The following MAP6D1 variants were observed in gnomAD, a reference collection of about 807,000 sequenced individuals.
The protein encoded by MAP6D1 is MAP6 domain-containing protein 1.
MAP6D1 carries 13 observed loss-of-function variants against 17.4 expected under a neutral mutation model. The ratio of observed to expected loss-of-function variants is 0.75; its 90% confidence interval spans 0.49 to 1.19. MAP6D1 has a LOEUF of 1.19. Among genes scored for constraint, MAP6D1 ranks in the 50% most tolerant of loss-of-function variants. The pLI is 0.00. For missense variants in MAP6D1, 313 were observed against 312.6 expected, an observed-to-expected ratio of 1.00 and a Z score of -0.01; for synonymous variants, 141 against 145.7, an observed-to-expected ratio of 0.97 and a Z score of 0.23.
intron 1 of MAP6D1, among the ~76,000 whole-genome samples, chr3:183,823,821 T>C (rs1727312598): frequency 6.6e-6 from 1 of 151,834 alleles, no homozygotes; most frequent in Non-Finnish European, 1.5e-5. Context: ...AGGCAATACA[T>C]GGACATGTTA....
rs1408851698 is a variant in MAP6D1 at position 183,817,403 on chromosome 3, G to A, written c.553C>T (p.Pro185Ser). The part of the protein sequence containing the change: ...PEVRKKFTPN[P>S]SAIFQASAPR... ...GCTGAGGCCTGAAAGATGGCGGAGG[G>A]GTTAGGAGTGAACTTCTTCCTCACC... Residue 185 changes from proline to serine, a missense_variant, in exon 3 of 3, where the codon CCC becomes TCC. Pro to Ser is a moderately conservative substitution (Grantham distance 74). Transcript: ENST00000318631. 1.9e-6 allele frequency: 3 copies of A among 1,569,912 alleles called. No homozygotes were observed. The highest frequency in any genetic ancestry group is 2.6e-6 in the Non-Finnish European group (3 of 1,157,180).
chr3:183,817,513 GA>G, intron 2 of MAP6D1, 77 bp from the exon 3 acceptor site: 3 of 1,325,942 alleles, frequency 2.3e-6, no homozygotes, highest in Admixed American at 2.2e-5. Flanking sequence ...CCAGCTCCAG[GA>G]AAAAATCCCC....
At position 183,825,286 on chromosome 3, in the gene MAP6D1, C is replaced by T; in HGVS notation, c.262G>A (p.Gly88Arg). Residue 88 changes from glycine to arginine, a missense_variant, in exon 1 of 3, where the codon GGG becomes AGG. Coordinates refer to ENST00000318631, the MANE Select transcript of MAP6D1 (RefSeq NM_024871.4). Reference protein sequence around the residue: ...TPAGPKDPPPGRGPGAGGRRG... With the variant: ...TPAGPKDPPPRRGPGAGGRRG... ...CGGCCGCCCGCCCCCGGTCCGCGCCCCGGCGGCGGATCCTTGGGCCCGGCG... is the reference window on the plus strand; with the variant it reads ...CGGCCGCCCGCCCCCGGTCCGCGCCTCGGCGGCGGATCCTTGGGCCCGGCG... 1 of 1,337,294 alleles carries T rather than the reference C, an allele frequency of 7.5e-7. No individual in the cohort carries two copies. The highest frequency in any genetic ancestry group is 9.6e-7 in the Non-Finnish European group (1 of 1,045,880). The allele number at this position is 1,337,294 out of a possible 1,614,324, so 82.8% of individuals were successfully genotyped here. A position where few individuals can be genotyped will look rare whatever the true frequency, so the allele number is the denominator to read the frequency against.
At position 183,817,357 on chromosome 3, in the gene MAP6D1, C is replaced by G. The variant is rs1727138128; in HGVS notation, c.599G>C (p.Ter200SerextTer5). 18 of 1,565,022 alleles carry G rather than the reference C, an allele frequency of 1.2e-5. No individual in the cohort carries two copies. Among genetic ancestry groups the G allele is most frequent in the Non-Finnish European group, 1.6e-5 (18 of 1,154,948 alleles). Residue 200 changes from the stop codon to serine, a stop_lost, in exon 3 of 3, where the codon TGA becomes TCA. Transcript: ENST00000318631. ...QASAPRILNV[*>S] Reference sequence around the variant, plus strand: ...GCCATGGTGTCACGGTGCAGGCAGTCACACGTTGAGAATCCGGGGAGCTGA... The same window carrying G: ...GCCATGGTGTCACGGTGCAGGCAGTGACACGTTGAGAATCCGGGGAGCTGA...
chr3:183,824,522 T>G (rs1727327751), intron 1 of MAP6D1, among the ~76,000 whole-genome samples: 1 of 152,208 alleles, frequency 6.6e-6, no homozygotes, highest in Admixed American at 6.5e-5. Context: ...AGGAGATACG[T>G]ATTTTGTTGT....
At chr3:183,819,198 G>A (rs901052742) in intron 1 of MAP6D1, among the ~76,000 whole-genome samples, 1 of 152,276 alleles carries the variant, frequency 6.6e-6, no homozygotes, top group African/African-American at 2.4e-5. Context: ...CACTGGGCAG[G>A]CTGCGTGGGC....
intron 1 of MAP6D1, chr3:183,820,172 C>G (rs1727212467): frequency 6.6e-6 from 1 of 152,228 alleles, no homozygotes; most frequent in Non-Finnish European, 1.5e-5. Flanking sequence ...CTGGGTACTC[C>G]CTCAAGAACC....
chr3:183,817,281 G>A lies in MAP6D1; in HGVS notation c.*75C>T. 5 of 1,438,048 alleles carry A rather than the reference G, an allele frequency of 3.5e-6. No individual in the cohort carries two copies. The highest frequency in any genetic ancestry group is 4.8e-6 in the Non-Finnish European group (5 of 1,046,406). 89.1% of individuals were successfully genotyped at this position (1,438,048 alleles called of 1,614,324 possible). ...GGGGCCCATGCCATGCTCTCGCCCA[G>A]CCCCGCGGCAGTGGGTCCTGAGGCC... On this transcript the variant is annotated 3_prime_UTR_variant, in exon 3 of 3. Coordinates refer to ENST00000318631, the MANE Select transcript of MAP6D1 (RefSeq NM_024871.4).
At chr3:183,819,841 G>C (rs78754443) in intron 1 of MAP6D1, among the ~76,000 whole-genome samples, 1 of 152,176 alleles carries the variant, frequency 6.6e-6, no homozygotes, top group Non-Finnish European at 1.5e-5. Context: ...TCTTCGTTTC[G>C]GGCACTCAGT....
rs1727376327 is a variant in MAP6D1, at chr3:183,825,509, CGCCAGG to C, written c.33_38del (p.Cys11_Ala13delinsTrp). On this transcript the variant is annotated inframe_deletion, in exon 1 of 3. Coordinates refer to ENST00000318631, the MANE Select transcript of MAP6D1 (RefSeq NM_024871.4). ...AGCGGTCCAGCTGGTTCCAGCGCCG[CGCCAGG>C]CAGCACAGGCGGCTGATACAGGGCC... 5.0e-6 allele frequency: 7 copies of C among 1,393,726 alleles called. No individual in the cohort carries two copies. The highest frequency in any genetic ancestry group is 6.5e-6 in the Non-Finnish European group (7 of 1,073,586). The allele number at this position is 1,393,726 out of a possible 1,614,324, so 86.3% of individuals were successfully genotyped here. A position where few individuals can be genotyped will look rare whatever the true frequency, so the allele number is the denominator to read the frequency against.
chr3:183,820,746 A>T (rs1190066805), intron 1 of MAP6D1, among the ~76,000 whole-genome samples: 1 of 151,918 alleles, frequency 6.6e-6, no homozygotes, highest in African/African-American at 2.4e-5. Flanking sequence ...AAAAAAAAAA[A>T]ATACATAAAA....
At chr3:183,820,951 T>C (rs1216584121) in intron 1 of MAP6D1, among the ~76,000 whole-genome samples, 6 of 137,424 alleles carry the variant, frequency 4.4e-5, no homozygotes, top group Non-Finnish European at 9.4e-5. Context: ...AAAAATTAGC[T>C]GGGTGTGGTG....
chr3:183,823,742 T>C (rs1013222816), intron 1 of MAP6D1, among the ~76,000 whole-genome samples: 4 of 152,206 alleles, frequency 2.6e-5, no homozygotes, highest in African/African-American at 9.7e-5. Context: ...TGAGCCGAGA[T>C]TGCACCACTG....
In MAP6D1 at chr3:183,825,327, C is replaced by A. The variant is rs1370799895; in HGVS notation, c.221G>T (p.Gly74Val). Residue 74 changes from glycine to valine, a missense_variant, in exon 1 of 3, where the codon GGC becomes GTC. Transcript: ENST00000318631. ...GGGCCCGGCGGGCGTGGTCCACAAG[C>A]CGAAGTCCCGCTGGTACTGAGTGAG... The part of the protein sequence containing the change: ...VPLTQYQRDF[G>V]LWTTPAGPKD... 2.2e-6 allele frequency: 3 copies of A among 1,381,558 alleles called. No individual in the cohort carries two copies. The highest frequency in any genetic ancestry group is 2.8e-6 in the Non-Finnish European group (3 of 1,068,528). The allele number at this position is 1,381,558 out of a possible 1,614,324, so 85.6% of individuals were successfully genotyped here.
At chr3:183,819,411 G>A (rs1345384071) in intron 1 of MAP6D1, among the ~76,000 whole-genome samples, 2 of 152,234 alleles carry the variant, frequency 1.3e-5, no homozygotes, top group Non-Finnish European at 2.9e-5. Flanking sequence ...TGCCCACGCT[G>A]AGCCTTGGGC....
intron 1 of MAP6D1, among the ~76,000 whole-genome samples, chr3:183,823,622 T>A (rs1195491967): frequency 6.7e-6 from 1 of 149,950 alleles, no homozygotes; most frequent in Non-Finnish European, 1.5e-5. Context: ...AAATCAAAAA[T>A]AAAAATAAAA....
intron 1 of MAP6D1, among the ~76,000 whole-genome samples, chr3:183,819,695 A>C (rs754686202): frequency 2.6e-5 from 4 of 152,238 alleles, no homozygotes; most frequent in Non-Finnish European, 5.9e-5. Flanking sequence ...ATGTTCCGGC[A>C]TCAGCCCCGG....
intron 1 of MAP6D1, 58 bp from the exon 2 acceptor site, chr3:183,818,169 C>T: frequency 2.1e-6 from 3 of 1,421,450 alleles, no homozygotes; most frequent in Non-Finnish European, 3.0e-6. Flanking sequence ...TTTACCGACT[C>T]CCCAGGGGCT....
intron 1 of MAP6D1, among the ~76,000 whole-genome samples, chr3:183,819,786 C>T (rs994864027): frequency 6.6e-6 from 1 of 152,236 alleles, no homozygotes; most frequent in Non-Finnish European, 1.5e-5. Flanking sequence ...TCAGTTTCTT[C>T]TGAAAAGTGG....
Sources: gnomAD v4.1 joint callset for allele counts (sites outside exome capture counted in the v4.1 genomes callset) on GRCh38, gnomAD v4.1.1 for gene constraint, MANE v1.5 for transcripts, NCBI Gene and HGNC (gene_info 2026-07-23, HGNC 2026-07-21) for gene names.